The following SRC variants were observed in gnomAD, a reference collection of about 807,000 sequenced individuals.
The protein encoded by SRC is SRC proto-oncogene, non-receptor tyrosine kinase, also known as proto-oncogene tyrosine-protein kinase Src.
Under a neutral mutation model 62.9 loss-of-function variants are expected in SRC, and 13 were observed. The ratio of observed to expected loss-of-function variants is 0.21; its 90% CI spans 0.13 to 0.33. The LOEUF (loss-of-function observed/expected upper bound fraction) is 0.33, where lower values mean the gene tolerates loss of function less well. SRC is among the 10% of genes least tolerant of loss of function. The probability of loss-of-function intolerance (pLI) is 1.00; values close to 1 mark genes in which losing one functional copy is unlikely to be tolerated. For synonymous variants in SRC, 302 were observed against 317.5 expected (o/e 0.95, Z 0.52); for missense variants, 457 against 737.3 (o/e 0.62, Z 4.40).
intron 2 of SRC, among the ~76,000 whole-genome samples, chr20:37,373,343 CACAT>C (rs1235543920): frequency 1.8e-4 from 27 of 151,488 alleles, no homozygotes; most frequent in Admixed American, 1.5e-3. Context: ...CATGTACACA[CACAT>C]ATGTACATAT....
intron 2 of SRC, among the ~76,000 whole-genome samples, chr20:37,379,990 C>G (rs1270414823): frequency 2.5e-5 from 3 of 118,650 alleles, no homozygotes; most frequent in African/African-American, 9.4e-5. Flanking sequence ...AGAAAAAGAC[C>G]GAGAGAGCTT....
At chr20:37,348,178 T>A (rs2146878870) in intron 1 of SRC, among the ~76,000 whole-genome samples, 1 of 152,266 alleles carries the variant, frequency 6.6e-6, no homozygotes, top group Admixed American at 6.5e-5. Flanking sequence ...CTTAGGCCCC[T>A]CTCTTCTAGG....
Position 37,404,123 on chromosome 20 carries a change from C to T in SRC, c.*744C>T, listed in dbSNP as rs534899067. 6.4e-5 allele frequency: 15 copies of T among 233,754 alleles called. No individual in the cohort carries two copies. In the South Asian group the frequency reaches 9.1e-4, roughly 14 times the overall value. The allele number at this position is 233,754 out of a possible 1,614,324, so 14.5% of individuals were successfully genotyped here. ...TCAGAGTGGAGGCGGGCTTGGAACC[C>T]GGTGCTCCCTCTGTCATCCTCAGGA... On this transcript the variant is annotated 3_prime_UTR_variant, in exon 14 of 14. Coordinates refer to ENST00000373578, the MANE Select transcript of SRC (RefSeq NM_198291.3).
intron 2 of SRC, among the ~76,000 whole-genome samples, chr20:37,370,267 C>T (rs183953795): frequency 6.6e-6 from 1 of 152,270 alleles, no homozygotes; most frequent in East Asian, 1.9e-4. Context: ...TCACATTAAT[C>T]GATTTTCAGA....
At chr20:37,352,125 A>G (rs936530615) in intron 1 of SRC, among the ~76,000 whole-genome samples, 4 of 152,170 alleles carry the variant, frequency 2.6e-5, no homozygotes, top group African/African-American at 9.7e-5. Flanking sequence ...TTTGCTGTGT[A>G]TGATTGTACA....
rs1402056258 is a variant in SRC, at chr20:37,398,142, G to T, written c.859+288G>T. Among the ~76,000 whole-genome samples the T allele has an allele frequency of 6.6e-6, 1 of 152,206 alleles. No individual in the cohort carries two copies. Among genetic ancestry groups the T allele is most frequent in the Non-Finnish European group, 1.5e-5 (1 of 68,034 alleles). ...CCCGGTGGCCTCACTCAGAGCCTCAGTCTTCCCGACTGTGAATGGGGCTGG... is the reference window on the plus strand; with the variant it reads ...CCCGGTGGCCTCACTCAGAGCCTCATTCTTCCCGACTGTGAATGGGGCTGG... On this transcript the variant is annotated intron_variant, in intron 9 of 13. Coordinates refer to ENST00000373578, the MANE Select transcript of SRC (RefSeq NM_198291.3). The surrounding 1 kb of genome is among the most constrained non-coding windows in gnomAD (Gnocchi z 5.2).
chr20:37,374,922 A>G (rs914445518), intron 2 of SRC, among the ~76,000 whole-genome samples: 2 of 147,152 alleles, frequency 1.4e-5, no homozygotes, highest in African/African-American at 5.0e-5. Context: ...TTATTCTTCA[A>G]TTTCTTTTTC....
chr20:37,373,214 ATG>A (rs200959805), intron 2 of SRC, among the ~76,000 whole-genome samples: 7,142 of 135,758 alleles, frequency 0.053, 409 homozygotes, highest in African/African-American at 0.15. Flanking sequence ...ATCTACACAC[ATG>A]TACATACGTA....
chr20:37,374,031 G>GTT (rs11473947), intron 2 of SRC, among the ~76,000 whole-genome samples: 5 of 147,984 alleles, frequency 3.4e-5, no homozygotes, highest in African/African-American at 1.2e-4. Flanking sequence ...AAAAACTTGG[G>GTT]TTTTTTTTTA....
Position 37,402,894 on chromosome 20 carries a change from C to T in SRC, c.1402+14C>T, listed in dbSNP as rs1180836145. ...TGCCCTACCCTGGTAAGAAGGTCCT[C>T]ATGGCCTGTCTGTGGTCCCTGAATC... On this transcript the variant is annotated intron_variant, in intron 13 of 13. Coordinates refer to ENST00000373578, the MANE Select transcript of SRC (RefSeq NM_198291.3). The surrounding 1 kb of genome is among the most constrained non-coding windows in gnomAD (Gnocchi z 6.2). 2 of 1,610,228 alleles carry T rather than the reference C, an allele frequency of 1.2e-6. No individual in the cohort carries two copies. The highest frequency in any genetic ancestry group is 1.7e-5 in the Admixed American group (1 of 59,490).
chr20:37,373,314 A>G (rs2070214583), intron 2 of SRC, among the ~76,000 whole-genome samples: 1 of 151,866 alleles, frequency 6.6e-6, no homozygotes, highest in Non-Finnish European at 1.5e-5. Context: ...CACACATTAC[A>G]TATGTACACA....
intron 2 of SRC, among the ~76,000 whole-genome samples, chr20:37,381,134 A>G (rs895195424): frequency 6.6e-6 from 1 of 152,150 alleles, no homozygotes; most frequent in African/African-American, 2.4e-5. Context: ...CACAAACACC[A>G]GGATCAACCA....
intron 5 of SRC, among the ~76,000 whole-genome samples, chr20:37,389,599 G>A (rs548590518): frequency 7.7e-4 from 117 of 152,188 alleles, no homozygotes; most frequent in African/African-American, 2.6e-3. Context: ...CCAGCTCAGC[G>A]GCCATCCCCA....
At chr20:37,368,518 C>CTTTTTTTTTTTTTTTGTTTTTTTTTTT (rs2070103202) in intron 2 of SRC, among the ~76,000 whole-genome samples, 2 of 73,900 alleles carry the variant, frequency 2.7e-5, no homozygotes, top group African/African-American at 8.6e-5. Flanking sequence ...CCTATATTTT[C>CTTTTTTTTTTTTTTTGTTTTTTTTTTT]TTTTTTTTTT....
chr20:37,392,585 A>G (rs2070569290), intron 5 of SRC, among the ~76,000 whole-genome samples: 1 of 152,204 alleles, frequency 6.6e-6, no homozygotes, highest in Admixed American at 6.5e-5. Flanking sequence ...CAAGCTGTCA[A>G]GCCCTGCTGC....
intron 1 of SRC, among the ~76,000 whole-genome samples, chr20:37,364,441 C>T (rs1387749143): frequency 6.6e-6 from 1 of 152,156 alleles, no homozygotes; most frequent in Non-Finnish European, 1.5e-5. Flanking sequence ...GACCAACTGT[C>T]CCTCCTCCTT....
At chr20:37,388,230 G>T (rs1468690823) in intron 5 of SRC, among the ~76,000 whole-genome samples, 1 of 143,626 alleles carries the variant, frequency 7.0e-6, no homozygotes, top group Non-Finnish European at 1.5e-5. Context: ...TCAGAGAGTA[G>T]CCCCATGCTT....
Position 37,397,645 on chromosome 20 carries a change from G to A in SRC, c.704-54G>A. The A allele has an allele frequency of 6.7e-7, 1 of 1,497,652 alleles. No homozygotes were observed. The highest frequency in any genetic ancestry group is 1.4e-5 in the South Asian group (1 of 73,674). 92.8% of individuals were successfully genotyped at this position (1,497,652 alleles called of 1,614,324 possible). On this transcript the variant is annotated intron_variant, in intron 8 of 13. Transcript: ENST00000373578. This position sits in a 1 kb window ranked among gnomAD's most constrained non-coding sequence, Gnocchi z 4.1. ...GTAGGGCGACACACACTGAGGGGCA[G>A]GGAGGCCCCAGGGCAGAAGACCCGC...
chr20:37,374,629 C>T (rs2070249469), intron 2 of SRC, among the ~76,000 whole-genome samples: 2 of 134,680 alleles, frequency 1.5e-5, no homozygotes, highest in African/African-American at 5.5e-5. Context: ...GGCTGGAGTA[C>T]AGTAGCGTAA....
Sources: allele counts gnomAD v4.1 joint callset (sites outside exome capture counted in the v4.1 genomes callset), GRCh38; gene constraint gnomAD v4.1.1; non-coding constraint Gnocchi (gnomAD v3.1); transcripts MANE v1.5; gene names NCBI Gene and HGNC (gene_info 2026-07-23, HGNC 2026-07-21).